Variants in CDCA7 observed in about 807,000 individuals in gnomAD.
CDCA7 encodes the protein cell division cycle-associated protein 7.
In CDCA7, 28 loss-of-function variants were observed where a neutral mutation model predicts 54.0. That is an observed-to-expected ratio of 0.52 (90% CI 0.38 to 0.71). The LOEUF is 0.71. CDCA7 is among the 30% of genes least tolerant of loss of function. CDCA7 has a pLI of 0.00. For missense variants in CDCA7, 484 were observed against 586.0 expected (o/e 0.83, Z 1.80); for synonymous variants, 180 against 208.2 (o/e 0.86, Z 1.16).
In CDCA7 at chr2:173,366,415, G is replaced by A; in HGVS notation, c.1168G>A (p.Asp390Asn). The A allele has an allele frequency of 6.2e-7, 1 of 1,614,174 alleles. No homozygotes were observed. The highest frequency in any genetic ancestry group is 8.5e-7 in the Non-Finnish European group (1 of 1,180,030). Residue 390 changes from aspartate (D) to asparagine (N), a missense_variant, in exon 8 of 10, where the codon GAT becomes AAT. Transcript: ENST00000306721. The surrounding 1 kb of genome is among the most constrained non-coding windows in gnomAD (Gnocchi z 4.5). ...LRNRYGEEVR[D>N]ALLDPNWHCP... ...AAACCGTTATGGTGAAGAGGTCAGG[G>A]ATGCTCTGCTGGATCCGGTAGGTGC...
Position 173,363,330 on chromosome 2 carries a change from A to G in CDCA7, c.489A>G (p.Ala163=). ...TTCCAGCGCGGAGTACCAGGGGAGCAACCAACAAAAAAGCAGAGTCCCGCC... is the reference window on the plus strand; with the variant it reads ...TTCCAGCGCGGAGTACCAGGGGAGCGACCAACAAAAAAGCAGAGTCCCGCC... ...MKFPARSTRG[A]TNKKAESRQP... The change falls in exon 4 of 10, where the codon GCA becomes GCG. Residue 163 remains alanine (A), a synonymous_variant. Coordinates refer to ENST00000306721, the MANE Select transcript of CDCA7 (RefSeq NM_031942.5). The G allele has an allele frequency of 1.9e-6, 3 of 1,614,204 alleles. No homozygotes were observed. Among genetic ancestry groups the G allele is most frequent in the Non-Finnish European group, 2.5e-6 (3 of 1,180,040 alleles).
At chr2:173,361,452 CTTTT>C (rs35355726) in intron 3 of CDCA7, among the ~76,000 whole-genome samples, 23 of 107,642 alleles carry the variant, frequency 2.1e-4, no homozygotes, top group Non-Finnish European at 3.0e-4. Context: ...TTTCCTTTTG[CTTTT>C]TTTTTTTTTT....
intron 3 of CDCA7, among the ~76,000 whole-genome samples, chr2:173,362,032 G>T (rs974371807): frequency 6.6e-6 from 1 of 152,150 alleles, no homozygotes; most frequent in East Asian, 1.9e-4. Context: ...GGCCAGACTG[G>T]TGTCAAACTC....
intron 1 of CDCA7, among the ~76,000 whole-genome samples, chr2:173,355,446 G>A (rs114539765): frequency 0.034 from 5,192 of 152,330 alleles, 302 homozygotes; most frequent in African/African-American, 0.12. Flanking sequence ...TGGCCCTTGG[G>A]CGCGCACCCC....
intron 1 of CDCA7, among the ~76,000 whole-genome samples, chr2:173,357,726 T>TA (rs1686536218): frequency 6.8e-6 from 1 of 146,954 alleles, no homozygotes; most frequent in Non-Finnish European, 1.5e-5. Flanking sequence ...TTTAATTTTT[T>TA]TAAAAAAACA....
intron 9 of CDCA7, 83 bp from the exon 10 acceptor site, chr2:173,367,551 G>T (rs925133087): frequency 2.0e-6 from 3 of 1,536,938 alleles, no homozygotes; most frequent in African/African-American, 2.7e-5. Flanking sequence ...AATAAAAATG[G>T]TTTTAAAAAT....
chr2:173,365,476 C>G lies in CDCA7; in HGVS notation c.919C>G (p.Arg307Gly). ...MNEDDLPRSR[R>G]SRSSVTLPHI... ...GGAAGATGACCTGCCCAGAAGCCGT[C>G]GCTCCAGATCATCCGTGACCCTTCC... The change falls in exon 7 of 10, where the codon CGC (arginine) becomes GGC (glycine). Residue 307 changes from arginine to glycine, a missense_variant. Physicochemically the swap from Arg to Gly is moderately radical, Grantham distance 125. This residue lies in a region of CDCA7 where 398 missense variants were observed against 447.4 expected (regional missense o/e 0.89). Transcript: ENST00000306721. 1 of 1,613,782 alleles carries G rather than the reference C, an allele frequency of 6.2e-7. No individual in the cohort carries two copies. Among genetic ancestry groups the G allele is most frequent in the Non-Finnish European group, 8.5e-7 (1 of 1,179,854 alleles).
chr2:173,354,910 G>T lies in CDCA7; in HGVS notation c.-54G>T. 1 of 1,435,282 alleles carries T rather than the reference G, an allele frequency of 7.0e-7. No individual in the cohort carries two copies. The highest frequency in any genetic ancestry group is 1.5e-5 in the African/African-American group (1 of 66,248). 88.9% of individuals were successfully genotyped at this position (1,435,282 alleles called of 1,614,324 possible). ...CTCCTGCTGTGGGACCGCTGACCGC[G>T]CGGCTGCTCCGCTCTCCCCGCTCCA... On this transcript the variant is annotated 5_prime_UTR_variant, in exon 1 of 10. Coordinates refer to ENST00000306721, the MANE Select transcript of CDCA7 (RefSeq NM_031942.5).
At chr2:173,360,651 A>G (rs1473816137) in intron 3 of CDCA7, among the ~76,000 whole-genome samples, 1 of 151,928 alleles carries the variant, frequency 6.6e-6, no homozygotes, top group Non-Finnish European at 1.5e-5. Flanking sequence ...ACTTTTAAAA[A>G]TTTTTTATAG....
In CDCA7 at chr2:173,368,771, C is replaced by G. The variant is rs2106393647; in HGVS notation, c.*1107C>G. The G allele has an allele frequency of 6.6e-6, 1 of 152,304 alleles. No homozygotes were observed. Among genetic ancestry groups the G allele is most frequent in the East Asian group, 1.9e-4 (1 of 5,192 alleles). 9.4% of individuals were successfully genotyped at this position (152,304 alleles called of 1,614,324 possible). A position where few individuals can be genotyped will look rare whatever the true frequency, so the allele number is the denominator to read the frequency against. ...AGTGTTTGTATGTCCAATTTACTTG[C>G]ATATGTAAACCATTGCTGTGCCATT... On this transcript the variant is annotated 3_prime_UTR_variant, in exon 10 of 10. Coordinates refer to ENST00000306721, the MANE Select transcript of CDCA7 (RefSeq NM_031942.5).
At chr2:173,364,004 A>G in intron 5 of CDCA7, 109 bp downstream of exon 5, 1 of 1,029,214 alleles carries the variant, frequency 9.7e-7, no homozygotes, top group Non-Finnish European at 1.5e-6. Context: ...TTCTAGACAA[A>G]CGAAGGGGAC....
intron 9 of CDCA7, 96 bp from the exon 10 acceptor site, chr2:173,367,538 C>A: frequency 1.4e-6 from 2 of 1,476,514 alleles, no homozygotes; most frequent in Non-Finnish European, 9.5e-7. Flanking sequence ...GATGTTATAA[C>A]TCAATAAAAA....
Position 173,358,695 on chromosome 2 carries a change from G to T in CDCA7, c.22-17G>T, listed in dbSNP as rs113611019. ...AGTAAGCATCACGCTTAATAGGATT[G>T]CTATTTCCATTTGCAGCAGAAAGAT... On this transcript the variant is annotated splice_polypyrimidine_tract_variant and intron_variant, in intron 1 of 9. Transcript: ENST00000306721. 6.1e-3 allele frequency: 9,768 copies of T among 1,611,010 alleles called. 77 individuals are homozygous for T. Among genetic ancestry groups the T allele is most frequent in the South Asian group, 0.026 (2,373 of 90,298 alleles).
chr2:173,356,269 C>G (rs1686503243), intron 1 of CDCA7: 1 of 152,176 alleles, frequency 6.6e-6, no homozygotes, highest in South Asian at 2.1e-4. Context: ...TTGGCTTGTG[C>G]TGACTTGTTA....
Position 173,366,145 on chromosome 2 carries a change from G to A in CDCA7, c.1036-138G>A. On this transcript the variant is annotated intron_variant, in intron 7 of 9. Transcript: ENST00000306721. The surrounding 1 kb of genome is among the most constrained non-coding windows in gnomAD (Gnocchi z 4.5). The stretch of plus-strand genomic sequence containing the variant: ...TGGTTGAGTTATTTTTCATACCCTG[G>A]CATATACATGTGTATGTAGAGATTC... The A allele has an allele frequency of 1.0e-6, 1 of 954,296 alleles. No individual in the cohort carries two copies. Among genetic ancestry groups the A allele is most frequent in the African/African-American group, 1.7e-5 (1 of 60,530 alleles). The allele number at this position is 954,296 out of a possible 1,614,324, so 59.1% of individuals were successfully genotyped here.
At chr2:173,355,399 T>A (rs1686478474) in intron 1 of CDCA7, among the ~76,000 whole-genome samples, 2 of 151,970 alleles carry the variant, frequency 1.3e-5, no homozygotes. Flanking sequence ...TCGGAGCCAG[T>A]GCGTGGCTCG....
Position 173,363,478 on chromosome 2 carries a change from T to A in CDCA7, c.621+16T>A. 6.2e-7 allele frequency: 1 copy of A among 1,603,828 alleles called. No homozygotes were observed. The highest frequency in any genetic ancestry group is 2.2e-5 in the East Asian group (1 of 44,842). On this transcript the variant is annotated intron_variant, in intron 4 of 9. Coordinates refer to ENST00000306721, the MANE Select transcript of CDCA7 (RefSeq NM_031942.5). ...CAAAGCAATGGTAGGTATCTGACTTTGTGTTAGAATTAATTTTTCCTCTCT... is the reference window on the plus strand; with the variant it reads ...CAAAGCAATGGTAGGTATCTGACTTAGTGTTAGAATTAATTTTTCCTCTCT...
chr2:173,366,254 TG>T lies in CDCA7; in HGVS notation c.1036-28del. On this transcript the variant is annotated intron_variant, in intron 7 of 9. Coordinates refer to ENST00000306721, the MANE Select transcript of CDCA7 (RefSeq NM_031942.5). This position sits in a 1 kb window ranked among gnomAD's most constrained non-coding sequence, Gnocchi z 4.5. ...TCTGTTGAAAAACAGTGGTTTTTTT[TG>T]TTTTTTTTCTTAATGGCTTATTTGT... The T allele has an allele frequency of 1.7e-6, 2 of 1,190,226 alleles. No individual in the cohort carries two copies. The highest frequency in any genetic ancestry group is 4.9e-5 in the Admixed American group (2 of 41,122). 73.7% of individuals were successfully genotyped at this position (1,190,226 alleles called of 1,614,324 possible). A position where few individuals can be genotyped will look rare whatever the true frequency, so the allele number is the denominator to read the frequency against.
rs982038173 is a variant in CDCA7, at chr2:173,366,688, G to A, written c.1185+256G>A. 1.2e-4 allele frequency among the ~76,000 whole-genome samples: 19 copies of A among 152,088 alleles called. 1 individual carries two copies. The highest frequency in any genetic ancestry group is 6.3e-3 in the Middle Eastern group (2 of 316). On this transcript the variant is annotated intron_variant, in intron 8 of 9. Transcript: ENST00000306721. This position sits in a 1 kb window ranked among gnomAD's most constrained non-coding sequence, Gnocchi z 4.5. ...CAAGTAGCTGGGACTACAGGCACGCGCCACCACACCTAGCTAATTTTTGTA... is the reference window on the plus strand; with the variant it reads ...CAAGTAGCTGGGACTACAGGCACGCACCACCACACCTAGCTAATTTTTGTA...
Sources: allele counts gnomAD v4.1 joint callset (sites outside exome capture counted in the v4.1 genomes callset), GRCh38; gene constraint gnomAD v4.1.1; regional missense constraint gnomAD v4.1.1; non-coding constraint Gnocchi (gnomAD v3.1); transcripts MANE v1.5; gene names NCBI Gene and HGNC (gene_info 2026-07-23, HGNC 2026-07-21).